PRPH: variants seen among roughly 807,000 people sequenced by gnomAD.
The protein encoded by PRPH is peripherin, also known as neurofilament 4 (57kD).
A neutral mutation model predicts 52.6 loss-of-function variants in PRPH; 48 were observed. The observed-to-expected ratio is 0.91, with a 90% CI of 0.72 to 1.16. PRPH has a LOEUF of 1.16. PRPH is among the 50% of genes most tolerant of loss of function. The pLI is 0.00. For missense variants in PRPH, 579 were observed against 635.7 expected (o/e 0.91, Z 0.96); for synonymous variants, 279 against 283.8 (o/e 0.98, Z 0.17).
Position 49,298,140 on chromosome 12 carries a change from G to A in PRPH, c.1347+103G>A, listed in dbSNP as rs372791658. Reference sequence around the variant, plus strand: ...TTACTTAGGGTGGGTAATTCTTGGGGAGAGACAGAGAAGGAGACAGAGAAC... The same window carrying A: ...TTACTTAGGGTGGGTAATTCTTGGGAAGAGACAGAGAAGGAGACAGAGAAC... On this transcript the variant is annotated intron_variant, in intron 8 of 8. Transcript: ENST00000257860. The A allele has an allele frequency of 8.1e-6, 12 of 1,486,498 alleles. No individual in the cohort carries two copies. The African/African-American group carries it at 1.7e-4, about 21-fold the overall frequency. 92.1% of individuals were successfully genotyped at this position (1,486,498 alleles called of 1,614,324 possible). A position where few individuals can be genotyped will look rare whatever the true frequency, so the allele number is the denominator to read the frequency against.
In PRPH at chr12:49,297,646, C is replaced by T. The variant is rs1943205983; in HGVS notation, c.1218-31C>T. On this transcript the variant is annotated intron_variant, in intron 6 of 8. Coordinates refer to ENST00000257860, the MANE Select transcript of PRPH (RefSeq NM_006262.4). This position sits in a 1 kb window ranked among gnomAD's most constrained non-coding sequence, Gnocchi z 4.4. The stretch of plus-strand genomic sequence containing the variant: ...TGGGCCGGGCAGGGCGGGGCCTGGG[C>T]AGGGGCGCTGACAACTTGCTTCGCC... 1 of 1,612,924 alleles carries T rather than the reference C, an allele frequency of 6.2e-7. No homozygotes were observed. The highest frequency in any genetic ancestry group is 1.3e-5 in the African/African-American group (1 of 74,912).
Position 49,295,675 on chromosome 12 carries a change from G to A in PRPH, c.475G>A (p.Gly159Ser). Reference sequence around the variant, plus strand: ...GCTGCGGCGAGAGCTGGAGCTGTTGGGCCGCGAGCGTGACCGGGTGCAGGT... The same window carrying A: ...GCTGCGGCGAGAGCTGGAGCTGTTGAGCCGCGAGCGTGACCGGGTGCAGGT... Reference protein sequence around the residue: ...RELRRELELLGRERDRVQVER... With the variant: ...RELRRELELLSRERDRVQVER... Residue 159 changes from glycine to serine, a missense_variant, in exon 1 of 9, where the codon GGC becomes AGC. By Grantham distance (56) the Gly-to-Ser change is moderately conservative (BLOSUM62 0). Coordinates refer to ENST00000257860, the MANE Select transcript of PRPH (RefSeq NM_006262.4). The A allele has an allele frequency of 1.3e-6, 2 of 1,535,052 alleles. No individual in the cohort carries two copies. The highest frequency in any genetic ancestry group is 1.7e-6 in the Non-Finnish European group (2 of 1,144,236).
In PRPH at chr12:49,298,427, T is replaced by G; in HGVS notation, c.*74T>G. 6.7e-7 allele frequency: 1 copy of G among 1,498,950 alleles called. No homozygotes were observed. The highest frequency in any genetic ancestry group is 9.3e-7 in the Non-Finnish European group (1 of 1,079,430). 92.9% of individuals were successfully genotyped at this position (1,498,950 alleles called of 1,614,324 possible). ...AAACCCTAAGACCACTCCTGAATTG[T>G]CTCCTCTCCCTCTGCATGTGTCTAA... On this transcript the variant is annotated 3_prime_UTR_variant, in exon 9 of 9. Transcript: ENST00000257860.
chr12:49,295,934 T>C, intron 1 of PRPH, 189 bp downstream of exon 1: 2 of 1,450,888 alleles, frequency 1.4e-6, no homozygotes. Context: ...ACCCCTTTGC[T>C]CTGAGTGTTT....
chr12:49,297,618 G>T lies in PRPH; in HGVS notation c.1217+41G>T. On this transcript the variant is annotated intron_variant, in intron 6 of 8. Transcript: ENST00000257860. The surrounding 1 kb of genome is among the most constrained non-coding windows in gnomAD (Gnocchi z 4.4). ...CTGGGGCGGGGCAGGGCGGGGTCGG[G>T]ACTGGGCCGGGCAGGGCGGGGCCTG... The T allele has an allele frequency of 8.5e-7, 1 of 1,182,670 alleles. No individual in the cohort carries two copies. The highest frequency in any genetic ancestry group is 3.2e-5 in the East Asian group (1 of 31,472). 73.3% of individuals were successfully genotyped at this position (1,182,670 alleles called of 1,614,324 possible).
Position 49,295,750 on chromosome 12 carries a change from G to A in PRPH, c.545+5G>A. On this transcript the variant is annotated splice_donor_5th_base_variant and intron_variant, in intron 1 of 8. Coordinates refer to ENST00000257860, the MANE Select transcript of PRPH (RefSeq NM_006262.4). Reference sequence around the variant, plus strand: ...CCTGGCGGCGCTCAAGCAGAGGTCAGGGGGCAGGGCTGGGCCGCTGCCGTC... The same window carrying A: ...CCTGGCGGCGCTCAAGCAGAGGTCAAGGGGCAGGGCTGGGCCGCTGCCGTC... 6.7e-7 allele frequency: 1 copy of A among 1,499,072 alleles called. No homozygotes were observed. The allele number at this position is 1,499,072 out of a possible 1,614,324, so 92.9% of individuals were successfully genotyped here.
At position 49,296,965 on chromosome 12, in the gene PRPH, AGCT is replaced by A; in HGVS notation, c.781_783del (p.Leu261del). 6.2e-7 allele frequency: 1 copy of A among 1,613,664 alleles called. No individual in the cohort carries two copies. The highest frequency in any genetic ancestry group is 8.5e-7 in the Non-Finnish European group (1 of 1,179,928). ...GAGGTGGAAGCCACGGTGAAGCCCG[AGCT>A]GACGGCAGCGCTGAGGGACATCCGC... On this transcript the variant is annotated inframe_deletion, in exon 4 of 9. Transcript: ENST00000257860. The surrounding 1 kb of genome is among the most constrained non-coding windows in gnomAD (Gnocchi z 5.1).
rs369251303 is a variant in PRPH at position 49,295,576 on chromosome 12, C to T, written c.376C>T (p.Arg126Cys). ...TCTGGAGCAGCAGAACGCGGCCCTG[C>T]GCGGGGAGCTGAGCCAAGCCCGGGG... The part of the protein sequence containing the change: ...RFLEQQNAAL[R>C]GELSQARGQE... Residue 126 changes from arginine (R) to cysteine (C), a missense_variant, in exon 1 of 9, where the codon CGC becomes TGC. Arg to Cys is a radical substitution (Grantham distance 180). Coordinates refer to ENST00000257860, the MANE Select transcript of PRPH (RefSeq NM_006262.4). 1.3e-6 allele frequency: 2 copies of T among 1,562,364 alleles called. No individual in the cohort carries two copies. The highest frequency in any genetic ancestry group is 1.9e-5 in the Admixed American group (1 of 52,172).
At position 49,296,097 on chromosome 12, in the gene PRPH, C is replaced by CG; in HGVS notation, c.546-79dup. The CG allele has an allele frequency of 6.8e-7, 1 of 1,479,638 alleles. No individual in the cohort carries two copies. The highest frequency in any genetic ancestry group is 9.2e-7 in the Non-Finnish European group (1 of 1,082,404). 91.7% of individuals were successfully genotyped at this position (1,479,638 alleles called of 1,614,324 possible). A position where few individuals can be genotyped will look rare whatever the true frequency, so the allele number is the denominator to read the frequency against. ...CCTGGGCAGCAGAACAGCCTCTAAC[C>CG]GGATCCTGGGGGGCGTGCGGTCTGG... On this transcript the variant is annotated intron_variant, in intron 1 of 8. Transcript: ENST00000257860. The surrounding 1 kb of genome is among the most constrained non-coding windows in gnomAD (Gnocchi z 5.1).
Position 49,295,752 on chromosome 12 carries a change from G to C in PRPH, c.545+7G>C, listed in dbSNP as rs1363824641. 7 of 1,469,762 alleles carry C rather than the reference G, an allele frequency of 4.8e-6. No individual in the cohort carries two copies. Among genetic ancestry groups the C allele is most frequent in the Non-Finnish European group, 6.2e-6 (7 of 1,120,302 alleles). The allele number at this position is 1,469,762 out of a possible 1,614,324, so 91.0% of individuals were successfully genotyped here. ...TGGCGGCGCTCAAGCAGAGGTCAGG[G>C]GGCAGGGCTGGGCCGCTGCCGTCGA... On this transcript the variant is annotated splice_region_variant and intron_variant, in intron 1 of 8. Coordinates refer to ENST00000257860, the MANE Select transcript of PRPH (RefSeq NM_006262.4).
At position 49,297,550 on chromosome 12, in the gene PRPH, G is replaced by A. The variant is rs898613415; in HGVS notation, c.1190G>A (p.Arg397His). Reference protein sequence around the residue: ...MALDIEIATYRKLLEGEESRI... With the variant: ...MALDIEIATYHKLLEGEESRI... ...CTGGACATCGAGATCGCCACCTACCGCAAGCTGCTGGAGGGCGAGGAGAGC... is the reference window on the plus strand; with the variant it reads ...CTGGACATCGAGATCGCCACCTACCACAAGCTGCTGGAGGGCGAGGAGAGC... Residue 397 changes from arginine to histidine, a missense_variant, in exon 6 of 9, where the codon CGC (arginine) becomes CAC (histidine). Physicochemically the swap from Arg to His is conservative, Grantham distance 29. Coordinates refer to ENST00000257860, the MANE Select transcript of PRPH (RefSeq NM_006262.4). The surrounding 1 kb of genome is among the most constrained non-coding windows in gnomAD (Gnocchi z 4.4). 2 of 1,459,050 alleles carry A rather than the reference G, an allele frequency of 1.4e-6. No individual in the cohort carries two copies. The highest frequency in any genetic ancestry group is 3.3e-5 in the East Asian group (1 of 29,928). 90.4% of individuals were successfully genotyped at this position (1,459,050 alleles called of 1,614,324 possible). A position where few individuals can be genotyped will look rare whatever the true frequency, so the allele number is the denominator to read the frequency against.
rs139228187 is a variant in PRPH at position 49,298,001 on chromosome 12, G to C, written c.1311G>C (p.Thr437=). The change falls in exon 8 of 9, where the codon ACG becomes ACC. Residue 437 remains threonine (T), a synonymous_variant. Coordinates refer to ENST00000257860, the MANE Select transcript of PRPH (RefSeq NM_006262.4). ...EPPQDSHSRK[T]VLIKTIETRN... The stretch of plus-strand genomic sequence containing the variant: ...CCCAGGACAGCCACAGCCGGAAGAC[G>C]GTTCTGATCAAGACCATTGAGACCC... The C allele has an allele frequency of 5.6e-6, 9 of 1,614,204 alleles. No individual in the cohort carries two copies. The highest frequency in any genetic ancestry group is 2.2e-5 in the East Asian group (1 of 44,886).
chr12:49,297,630 C>A lies in PRPH; in HGVS notation c.1218-47C>A, dbSNP rs781687089. On this transcript the variant is annotated intron_variant, in intron 6 of 8. Transcript: ENST00000257860. The surrounding 1 kb of genome is among the most constrained non-coding windows in gnomAD (Gnocchi z 4.4). ...AGGGCGGGGTCGGGACTGGGCCGGG[C>A]AGGGCGGGGCCTGGGCAGGGGCGCT... 4.4e-6 allele frequency: 7 copies of A among 1,608,414 alleles called. No individual in the cohort carries two copies. The South Asian group carries it at 6.6e-5, about 15-fold the overall frequency.
At position 49,298,337 on chromosome 12, in the gene PRPH, C is replaced by T; in HGVS notation, c.1397C>T (p.Ser466Phe). Residue 466 changes from serine to phenylalanine, a missense_variant, in exon 9 of 9, where the codon TCT becomes TTT. Transcript: ENST00000257860. ...CAGCGCAGTGAGCTGGACAAGTCTTCTGCCCACAGTTACTGAACCCCTTGG... is the reference window on the plus strand; with the variant it reads ...CAGCGCAGTGAGCTGGACAAGTCTTTTGCCCACAGTTACTGAACCCCTTGG... ...KEQRSELDKS[S>F]AHSY 1 of 1,614,232 alleles carries T rather than the reference C, an allele frequency of 6.2e-7. No homozygotes were observed. Among genetic ancestry groups the T allele is most frequent in the Non-Finnish European group, 8.5e-7 (1 of 1,180,042 alleles).
At position 49,296,458 on chromosome 12, in the gene PRPH, C is replaced by T. The variant is rs750254829; in HGVS notation, c.633C>T (p.Arg211=). ...RKDVDDATLS[R]LELERKIESL... Reference sequence around the variant, plus strand: ...ACGTGGACGATGCCACTCTGTCCCGCCTGGAACTAGAGCGCAAGATTGAGT... The same window carrying T: ...ACGTGGACGATGCCACTCTGTCCCGTCTGGAACTAGAGCGCAAGATTGAGT... The change falls in exon 3 of 9, where the codon CGC becomes CGT. Residue 211 remains arginine (R), a synonymous_variant. Coordinates refer to ENST00000257860, the MANE Select transcript of PRPH (RefSeq NM_006262.4). This position sits in a 1 kb window ranked among gnomAD's most constrained non-coding sequence, Gnocchi z 5.1. 1 of 1,614,206 alleles carries T rather than the reference C, an allele frequency of 6.2e-7. No homozygotes were observed. Among genetic ancestry groups the T allele is most frequent in the Non-Finnish European group, 8.5e-7 (1 of 1,180,040 alleles).
chr12:49,295,521 C>T lies in PRPH; in HGVS notation c.321C>T (p.Arg107=), dbSNP rs762127838. The T allele has an allele frequency of 6.2e-7, 1 of 1,600,846 alleles. No homozygotes were observed. Among genetic ancestry groups the T allele is most frequent in the South Asian group, 1.1e-5 (1 of 88,876 alleles). ...AGGAGCTGCAGGAGCTCAACGACCG[C>T]TTCGCCAACTTCATCGAGAAGGTAC... ...EKQELQELND[R]FANFIEKVRF... is the part of the protein sequence containing the mutation. The change falls in exon 1 of 9, where the codon CGC becomes CGT. Residue 107 remains arginine (R), a synonymous_variant. Transcript: ENST00000257860.
In PRPH at chr12:49,295,420, C is replaced by G; in HGVS notation, c.220C>G (p.Pro74Ala). The G allele has an allele frequency of 6.2e-7, 1 of 1,605,088 alleles. No individual in the cohort carries two copies. Among genetic ancestry groups the G allele is most frequent in the Non-Finnish European group, 8.5e-7 (1 of 1,176,634 alleles). Residue 74 changes from proline (P) to alanine (A), a missense_variant, in exon 1 of 9, where the codon CCC becomes GCC. Coordinates refer to ENST00000257860, the MANE Select transcript of PRPH (RefSeq NM_006262.4). The stretch of plus-strand genomic sequence containing the variant: ...GGGAGCGGGCGCCCTCCTGCGCCTG[C>G]CCTCGGAGCGCCTCGACTTCTCCAT... ...RAGAGALLRL[P>A]SERLDFSMAE...
At position 49,295,753 on chromosome 12, in the gene PRPH, G is replaced by A. The variant is rs1431492938; in HGVS notation, c.545+8G>A. 1 of 1,470,174 alleles carries A rather than the reference G, an allele frequency of 6.8e-7. No individual in the cohort carries two copies. Among genetic ancestry groups the A allele is most frequent in the East Asian group, 2.5e-5 (1 of 39,898 alleles). The allele number at this position is 1,470,174 out of a possible 1,614,324, so 91.1% of individuals were successfully genotyped here. ...GGCGGCGCTCAAGCAGAGGTCAGGG[G>A]GCAGGGCTGGGCCGCTGCCGTCGAG... On this transcript the variant is annotated splice_region_variant and intron_variant, in intron 1 of 8. Transcript: ENST00000257860.
In PRPH at chr12:49,295,172, C is replaced by A; in HGVS notation, c.-29C>A. 1 of 1,605,098 alleles carries A rather than the reference C, an allele frequency of 6.2e-7. No individual in the cohort carries two copies. The highest frequency in any genetic ancestry group is 1.7e-5 in the Admixed American group (1 of 59,552). On this transcript the variant is annotated 5_prime_UTR_variant, in exon 1 of 9. Transcript: ENST00000257860. Reference sequence around the variant, plus strand: ...CTTCCCAGCCCCCGGCCTAGCTCTGCGAACGGTGACTGCCCATCCTTGGCC... The same window carrying A: ...CTTCCCAGCCCCCGGCCTAGCTCTGAGAACGGTGACTGCCCATCCTTGGCC...
Sources: allele counts gnomAD v4.1 joint callset, GRCh38; gene constraint gnomAD v4.1.1; non-coding constraint Gnocchi (gnomAD v3.1); transcripts MANE v1.5; gene names NCBI Gene and HGNC (gene_info 2026-07-23, HGNC 2026-07-21).